Variants in CCDC3 observed in about 807,000 individuals in gnomAD.
CCDC3 encodes coiled-coil domain containing 3.
A neutral mutation model predicts 21.4 loss-of-function variants in CCDC3; 24 were observed. The observed-to-expected ratio is 1.12, with a 90% CI of 0.81 to 1.58. The LOEUF (loss-of-function observed/expected upper bound fraction) is 1.58. Ranked by LOEUF, CCDC3 falls within the 40% of genes most tolerant of loss-of-function variation. CCDC3 has a pLI of 0.00. For missense variants in CCDC3, 425 were observed against 360.9 expected, an observed-to-expected ratio of 1.18 and a Z score of -1.44; for synonymous variants, 186 against 166.0, an observed-to-expected ratio of 1.12 and a Z score of -0.93.
At chr10:13,067,306 T>A (rs1254892927) in intron 4 of CCDC3, among the ~76,000 whole-genome samples, 1 of 152,272 alleles carries the variant, frequency 6.6e-6, no homozygotes, top group Non-Finnish European at 1.5e-5. Context: ...TAAGAGGTAT[T>A]TTCCCCAGGC....
intron 2 of CCDC3, among the ~76,000 whole-genome samples, chr10:12,945,564 A>AT (rs540231852): frequency 6.4e-4 from 97 of 152,318 alleles, no homozygotes; most frequent in Admixed American, 2.4e-3. Context: ...TAACATTAAT[A>AT]TCAAAAGTAC....
intron 2 of CCDC3, among the ~76,000 whole-genome samples, chr10:12,952,539 T>C (rs1271862584): frequency 6.6e-6 from 1 of 152,214 alleles, no homozygotes; most frequent in Non-Finnish European, 1.5e-5. Flanking sequence ...TAGCCCATGA[T>C]GTGTCTTCAC....
chr10:12,917,476 G>T (rs947736258), intron 2 of CCDC3, among the ~76,000 whole-genome samples: 2 of 152,078 alleles, frequency 1.3e-5, no homozygotes. Context: ...GATTACAGGC[G>T]TGAGCCACTG....
At chr10:13,004,166 A>G (rs1835898436), upstream of CCDC3, among the ~76,000 whole-genome samples, 1 of 152,184 alleles carries the variant, frequency 6.6e-6, no homozygotes, top group Non-Finnish European at 1.5e-5. Flanking sequence ...TGGGGTGGAT[A>G]GTACCGTATA....
chr10:13,039,422 CA>C (rs5783301), intron 5 of CCDC3, among the ~76,000 whole-genome samples: 1,992 of 137,484 alleles, frequency 0.014, 35 homozygotes, highest in African/African-American at 0.047. Flanking sequence ...GACTCTGTCT[CA>C]AAAAAAAAAA....
chr10:13,075,332 T>C (rs1480927043), intron 3 of CCDC3, among the ~76,000 whole-genome samples: 1 of 152,210 alleles, frequency 6.6e-6, no homozygotes, highest in African/African-American at 2.4e-5. Flanking sequence ...AGCTCCAAAA[T>C]CAGTGGGTAT....
intron 5 of CCDC3, among the ~76,000 whole-genome samples, chr10:13,034,787 G>A (rs1446890479): frequency 2.0e-5 from 3 of 152,100 alleles, no homozygotes; most frequent in African/African-American, 2.4e-5. Flanking sequence ...CACTTTGGGC[G>A]GCCAAAGTGG....
intron 3 of CCDC3, among the ~76,000 whole-genome samples, chr10:13,084,703 G>T (rs1326668014): frequency 6.6e-6 from 1 of 152,154 alleles, no homozygotes; most frequent in East Asian, 1.9e-4. Flanking sequence ...CTCCTTTCCA[G>T]TAACATTGTG....
chr10:13,024,399 G>A (rs1008263890), intron 5 of CCDC3, among the ~76,000 whole-genome samples: 5 of 152,042 alleles, frequency 3.3e-5, no homozygotes, highest in African/African-American at 9.7e-5. Flanking sequence ...AGGATGCTAC[G>A]GGAAAATACT....
chr10:13,095,395 C>T (rs1196347981), intron 3 of CCDC3, among the ~76,000 whole-genome samples: 1 of 144,396 alleles, frequency 6.9e-6, no homozygotes, highest in Non-Finnish European at 1.5e-5. Context: ...ACACCAGGAA[C>T]TGGTTTCATG....
chr10:13,096,261 G>A (rs191482071), intron 3 of CCDC3, among the ~76,000 whole-genome samples: 70 of 151,690 alleles, frequency 4.6e-4, no homozygotes, highest in African/African-American at 1.6e-3. Context: ...TTGGCTCAGC[G>A]CAACCTTTGA....
intron 2 of CCDC3, among the ~76,000 whole-genome samples, chr10:12,906,253 C>T (rs751407203): frequency 1.3e-5 from 2 of 152,318 alleles, no homozygotes; most frequent in African/African-American, 2.4e-5. Context: ...GAGATGACTG[C>T]ATGTGGCTTG....
intron 2 of CCDC3, among the ~76,000 whole-genome samples, chr10:12,958,068 C>A (rs1224535251): frequency 1.3e-5 from 2 of 152,062 alleles, no homozygotes; most frequent in Non-Finnish European, 2.9e-5. Context: ...CTCAGGTGAT[C>A]CACCTGCCTC....
At chr10:13,044,806 T>C (rs1836502372) in intron 5 of CCDC3, among the ~76,000 whole-genome samples, 1 of 152,238 alleles carries the variant, frequency 6.6e-6, no homozygotes, top group Non-Finnish European at 1.5e-5. Flanking sequence ...GAGTAGCTTT[T>C]TTTTCTAATT....
chr10:12,905,281 T>C (rs1834152714), intron 2 of CCDC3, among the ~76,000 whole-genome samples: 1 of 152,260 alleles, frequency 6.6e-6, no homozygotes, highest in African/African-American at 2.4e-5. Flanking sequence ...ACAGCTATAC[T>C]CATCAGTTTA....
In CCDC3 at chr10:12,946,481, C is replaced by T. The variant is rs569281802; in HGVS notation, c.550-47802G>A. ...CAGGTCTCAGCAAATCCTAGGCAGC[C>T]AACTGATCCGATCATGCCCAATAAG... On this transcript the variant is annotated intron_variant, in intron 2 of 2. Transcript: ENST00000378825. 4.6e-5 allele frequency among the ~76,000 whole-genome samples: 7 copies of T among 152,178 alleles called. 1 individual carries two copies. Among genetic ancestry groups the T allele is most frequent in the African/African-American group, 1.7e-4 (7 of 41,514 alleles).
chr10:13,005,523 G>A (rs1334273260), upstream of CCDC3, among the ~76,000 whole-genome samples: 1 of 152,214 alleles, frequency 6.6e-6, no homozygotes, highest in Admixed American at 6.5e-5. Flanking sequence ...AGCATACCAT[G>A]GTTAGGCATT....
In CCDC3 at chr10:12,898,242, A is replaced by G; in HGVS notation, c.*174T>C. ...GGGCAGCGCGTGGGGTCTGACATTG[A>G]GGCCAGCACCCAAGGGGAAAGCAAG... is the stretch of plus-strand genomic sequence containing the variant. On this transcript the variant is annotated 3_prime_UTR_variant, in exon 3 of 3. Coordinates refer to ENST00000378825, the MANE Select transcript of CCDC3 (RefSeq NM_031455.4). 1 of 774,480 alleles carries G rather than the reference A, an allele frequency of 1.3e-6. No homozygotes were observed. Among genetic ancestry groups the G allele is most frequent in the South Asian group, 1.9e-5 (1 of 51,898 alleles). The allele number at this position is 774,480 out of a possible 1,614,324, so 48.0% of individuals were successfully genotyped here.
intron 5 of CCDC3, among the ~76,000 whole-genome samples, chr10:13,028,726 A>G (rs374333041): frequency 1.3e-5 from 2 of 152,192 alleles, no homozygotes; most frequent in East Asian, 3.9e-4. Flanking sequence ...AGGAAGATGA[A>G]TTGATGAGAT....
Sources: allele counts gnomAD v4.1 joint callset (sites outside exome capture counted in the v4.1 genomes callset), GRCh38; gene constraint gnomAD v4.1.1; transcripts MANE v1.5; gene names NCBI Gene and HGNC (gene_info 2026-07-23, HGNC 2026-07-21).